The following LRMDA variants were observed in gnomAD, a reference collection of about 807,000 sequenced individuals.
LRMDA encodes the protein leucine rich melanocyte differentiation associated.
A neutral mutation model predicts 29.8 loss-of-function variants in LRMDA; 18 were observed. That is an observed-to-expected ratio of 0.60 (90% CI 0.42 to 0.90). The LOEUF (loss-of-function observed/expected upper bound fraction) is 0.90, where lower values mean the gene tolerates loss of function less well. LRMDA is among the 40% of genes least tolerant of loss of function. The pLI, the probability that LRMDA is intolerant of heterozygous loss-of-function variation, is 0.00. For missense variants in LRMDA, 273 were observed against 273.9 expected, an observed-to-expected ratio of 1.00 and a Z score of 0.02; for synonymous variants, 125 against 109.4, an observed-to-expected ratio of 1.14 and a Z score of -0.89.
intron 5 of LRMDA, among the ~76,000 whole-genome samples, chr10:76,191,353 C>G (rs1589370001): frequency 6.6e-6 from 1 of 152,160 alleles, no homozygotes; most frequent in African/African-American, 2.4e-5. Flanking sequence ...TAGCCCTGAG[C>G]TGTTTTCTTT....
At chr10:76,280,717 A>G (rs538897924) in intron 5 of LRMDA, among the ~76,000 whole-genome samples, 1 of 152,306 alleles carries the variant, frequency 6.6e-6, no homozygotes, top group South Asian at 2.1e-4. Context: ...TTATCATGGT[A>G]CAGTAGTGTA....
chr10:75,443,680 T>G (rs1425546699), intron 2 of LRMDA, among the ~76,000 whole-genome samples: 2 of 152,198 alleles, frequency 1.3e-5, no homozygotes, highest in Non-Finnish European at 2.9e-5. Flanking sequence ...CTGGCTTTGG[T>G]ATCAGGACAA....
chr10:75,635,306 T>C (rs1316104155), intron 2 of LRMDA, among the ~76,000 whole-genome samples: 1 of 152,222 alleles, frequency 6.6e-6, no homozygotes, highest in African/African-American at 2.4e-5. Context: ...CAGGGTGGAC[T>C]AGAGCCCCGA....
At chr10:76,193,430 G>T (rs1446853533) in intron 5 of LRMDA, among the ~76,000 whole-genome samples, 2 of 152,122 alleles carry the variant, frequency 1.3e-5, no homozygotes, top group East Asian at 3.8e-4. Context: ...TAAAGGAAAG[G>T]CACCTCTGAG....
intron 2 of LRMDA, among the ~76,000 whole-genome samples, chr10:75,985,080 C>T (rs1212959514): frequency 6.6e-6 from 1 of 152,032 alleles, no homozygotes; most frequent in Non-Finnish European, 1.5e-5. Flanking sequence ...TGAGAAATGG[C>T]TTGTTGGAGG....
At chr10:75,964,853 C>T (rs1846829641) in intron 2 of LRMDA, among the ~76,000 whole-genome samples, 1 of 152,194 alleles carries the variant, frequency 6.6e-6, no homozygotes, top group African/African-American at 2.4e-5. Flanking sequence ...CTGCAACCTC[C>T]AACTCTCAGG....
chr10:75,859,617 ACACACACAC>A, intron 2 of LRMDA, among the ~76,000 whole-genome samples: 2 of 147,840 alleles, frequency 1.4e-5, no homozygotes, highest in South Asian at 2.1e-4. Context: ...ACACACACAC[ACACACACAC>A]ACACACACAC....
chr10:75,441,545 G>T (rs1445112725), intron 2 of LRMDA, among the ~76,000 whole-genome samples: 1 of 152,112 alleles, frequency 6.6e-6, no homozygotes, highest in African/African-American at 2.4e-5. Context: ...AATTTTTTGG[G>T]TTCTCCTTGC....
chr10:75,676,041 T>A (rs959463871), intron 2 of LRMDA, among the ~76,000 whole-genome samples: 3 of 152,134 alleles, frequency 2.0e-5, no homozygotes, highest in Non-Finnish European at 4.4e-5. Flanking sequence ...AGGGGAGAGT[T>A]TTGGTTGGTG....
chr10:76,360,999 G>C (rs1227363142), intron 6 of LRMDA, among the ~76,000 whole-genome samples: 2 of 152,128 alleles, frequency 1.3e-5, no homozygotes, highest in Non-Finnish European at 2.9e-5. Flanking sequence ...GGTGGCTTAT[G>C]CCTGTAATCT....
At chr10:76,434,096 G>A (rs980863402) in intron 6 of LRMDA, among the ~76,000 whole-genome samples, 2 of 152,012 alleles carry the variant, frequency 1.3e-5, no homozygotes, top group South Asian at 2.1e-4. Context: ...AATATAATTC[G>A]TTTTCTCTCC....
chr10:76,519,891 T>G (rs1379150803), intron 6 of LRMDA, among the ~76,000 whole-genome samples: 1 of 152,172 alleles, frequency 6.6e-6, no homozygotes, highest in Non-Finnish European at 1.5e-5. Flanking sequence ...TCAGCTGTCA[T>G]AGATGATAAA....
chr10:75,753,847 T>C (rs1166200834), intron 2 of LRMDA, among the ~76,000 whole-genome samples: 1 of 152,112 alleles, frequency 6.6e-6, no homozygotes, highest in Non-Finnish European at 1.5e-5. Context: ...GGTCATGGGA[T>C]AGATGCGGTG....
chr10:76,270,005 C>A (rs1045960569), intron 5 of LRMDA, among the ~76,000 whole-genome samples: 3 of 152,190 alleles, frequency 2.0e-5, no homozygotes, highest in Non-Finnish European at 2.9e-5. Flanking sequence ...CACCTTTTCT[C>A]ATTCACTCAA....
intron 2 of LRMDA, among the ~76,000 whole-genome samples, chr10:76,008,046 T>C (rs921981308): frequency 1.3e-5 from 2 of 152,130 alleles, no homozygotes; most frequent in African/African-American, 2.4e-5. Flanking sequence ...TGGCAGGCAT[T>C]AGAAATCCTC....
chr10:75,444,931 A>G (rs1844372759), intron 2 of LRMDA, among the ~76,000 whole-genome samples: 1 of 152,058 alleles, frequency 6.6e-6, no homozygotes, highest in African/African-American at 2.4e-5. Flanking sequence ...ACTGCGTTAC[A>G]ATGTTTTTTT....
Position 75,477,530 on chromosome 10 carries a change from G to A in LRMDA, c.131+39036G>A, listed in dbSNP as rs139928092. Among the ~76,000 whole-genome samples the A allele has an allele frequency of 4.6e-4, 70 of 152,304 alleles. No homozygotes were observed. The East Asian group carries it at 0.013, about 28-fold the overall frequency. On this transcript the variant is annotated intron_variant, in intron 2 of 6. Transcript: ENST00000611255. ...GTTCAAGGCTCACTCTGAATGTCAC[G>A]TTTCCATGAACTTCTCCTTAACTCT... is the stretch of plus-strand genomic sequence containing the variant.
At chr10:75,835,326 A>G (rs181698839) in intron 2 of LRMDA, among the ~76,000 whole-genome samples, 11 of 152,142 alleles carry the variant, frequency 7.2e-5, no homozygotes, top group African/African-American at 2.4e-4. Flanking sequence ...TACTGTTTTC[A>G]TTACTATATC....
At chr10:75,749,804 A>G (rs1476979000) in intron 2 of LRMDA, among the ~76,000 whole-genome samples, 1 of 152,110 alleles carries the variant, frequency 6.6e-6, no homozygotes, top group Non-Finnish European at 1.5e-5. Context: ...GTCCCTGGGT[A>G]CTTGAGATTA....
Sources: allele counts gnomAD v4.1 joint callset (sites outside exome capture counted in the v4.1 genomes callset), GRCh38; gene constraint gnomAD v4.1.1; transcripts MANE v1.5; gene names NCBI Gene and HGNC (gene_info 2026-07-23, HGNC 2026-07-21).